Variants in DOCK5 observed in about 807,000 individuals in gnomAD.
DOCK5 encodes the protein dedicator of cytokinesis 5.
In DOCK5, 142 loss-of-function variants were observed where a neutral mutation model predicts 251.8. The ratio of observed to expected loss-of-function variants is 0.56; its 90% CI spans 0.49 to 0.65. The LOEUF (loss-of-function observed/expected upper bound fraction) is 0.65, where lower values mean the gene tolerates loss of function less well. Ranked by LOEUF, DOCK5 falls within the 30% of genes least tolerant of loss-of-function variation. The probability of loss-of-function intolerance (pLI) is 0.00; values close to 1 mark genes in which losing one functional copy is unlikely to be tolerated. For synonymous variants in DOCK5, 842 were observed against 835.5 expected, an observed-to-expected ratio of 1.01 and a Z score of -0.13; for missense variants, 2,111 against 2,312.3, an observed-to-expected ratio of 0.91 and a Z score of 1.79.
At chr8:25,253,026 G>A (rs1803313971) in intron 2 of DOCK5, among the ~76,000 whole-genome samples, 2 of 152,172 alleles carry the variant, frequency 1.3e-5, no homozygotes, top group African/African-American at 2.4e-5. Context: ...GTTTTGCCAT[G>A]TTGGCTAGGC....
intron 1 of DOCK5, among the ~76,000 whole-genome samples, chr8:25,193,878 A>G (rs1233428139): frequency 1.3e-5 from 2 of 152,228 alleles, no homozygotes; most frequent in African/African-American, 4.8e-5. Flanking sequence ...GCTCACCCTT[A>G]GCTAGGAACT....
intron 6 of DOCK5, among the ~76,000 whole-genome samples, chr8:25,293,665 T>C (rs2709631): frequency 0.91 from 138,511 of 152,158 alleles, 63,561 homozygotes; most frequent in Non-Finnish European, 0.97. Flanking sequence ...AGACCATACC[T>C]ACAGTGGCTG....
chr8:25,312,305 T>A (rs967141102), intron 13 of DOCK5, among the ~76,000 whole-genome samples: 7 of 152,256 alleles, frequency 4.6e-5, no homozygotes, highest in Non-Finnish European at 7.3e-5. Flanking sequence ...GAGAAGTTTA[T>A]TCTTTGATCA....
chr8:25,388,796 T>C (rs947637312), intron 40 of DOCK5: 2 of 281,960 alleles, frequency 7.1e-6, no homozygotes, highest in Non-Finnish European at 1.3e-5. Flanking sequence ...ACAAGTTCCG[T>C]ATTTCCTTGC....
chr8:25,299,986 AG>A (rs1259983036), intron 8 of DOCK5, among the ~76,000 whole-genome samples: 21 of 152,246 alleles, frequency 1.4e-4, no homozygotes, highest in African/African-American at 5.1e-4. Context: ...CTTGTCGTAC[AG>A]GCCCGCATCC....
intron 16 of DOCK5, among the ~76,000 whole-genome samples, 153 bp downstream of exon 16, chr8:25,321,205 A>G (rs566799436): frequency 7.2e-5 from 11 of 152,346 alleles, no homozygotes; most frequent in Non-Finnish European, 1.5e-5. Context: ...AATCAGCATA[A>G]TGAATTTTGC....
intron 5 of DOCK5, among the ~76,000 whole-genome samples, chr8:25,281,803 C>G (rs911518209): frequency 6.7e-6 from 1 of 148,980 alleles, no homozygotes; most frequent in South Asian, 2.1e-4. Context: ...CACTTGAACC[C>G]GAGAGGCGGA....
intron 39 of DOCK5, 58 bp downstream of exon 39, chr8:25,380,452 T>A: frequency 2.1e-6 from 3 of 1,400,020 alleles, no homozygotes; most frequent in Non-Finnish European, 3.0e-6. Flanking sequence ...TTAGCACTCA[T>A]GAAAATGTTT....
intron 1 of DOCK5, among the ~76,000 whole-genome samples, chr8:25,205,448 G>A (rs1334288294): frequency 6.6e-6 from 1 of 152,224 alleles, no homozygotes; most frequent in Non-Finnish European, 1.5e-5. Flanking sequence ...GCCACATGGT[G>A]TGTGGTATTT....
chr8:25,242,771 G>T (rs981228684), intron 1 of DOCK5, among the ~76,000 whole-genome samples: 1 of 152,208 alleles, frequency 6.6e-6, no homozygotes, highest in Non-Finnish European at 1.5e-5. Flanking sequence ...ATTAGGAAGT[G>T]CTGGGGTAAC....
chr8:25,203,487 A>C (rs1401992213), intron 1 of DOCK5, among the ~76,000 whole-genome samples: 1 of 152,200 alleles, frequency 6.6e-6, no homozygotes, highest in East Asian at 1.9e-4. Context: ...GAGCCTTGGA[A>C]ATTTTGAATC....
At chr8:25,244,210 G>A (rs1243662955) in intron 2 of DOCK5, among the ~76,000 whole-genome samples, 1 of 152,218 alleles carries the variant, frequency 6.6e-6, no homozygotes, top group Non-Finnish European at 1.5e-5. Context: ...ATTAGGTCAT[G>A]ACTGCAGCAG....
chr8:25,225,072 C>A (rs977437430), intron 1 of DOCK5, among the ~76,000 whole-genome samples: 1 of 152,090 alleles, frequency 6.6e-6, no homozygotes, highest in African/African-American at 2.4e-5. Flanking sequence ...TGGCTGTTAT[C>A]AAAAACAAAA....
At chr8:25,390,846 G>A (rs192759643) in intron 42 of DOCK5, among the ~76,000 whole-genome samples, 16 of 151,030 alleles carry the variant, frequency 1.1e-4, no homozygotes, top group East Asian at 1.9e-4. Context: ...ATCTTGCTCC[G>A]TCACCCAGGC....
At chr8:25,270,273 C>T (rs1289561571) in intron 3 of DOCK5, among the ~76,000 whole-genome samples, 5 of 152,020 alleles carry the variant, frequency 3.3e-5, no homozygotes, top group South Asian at 4.2e-4. Context: ...TTCTCTGGGC[C>T]GTCAAATAGG....
chr8:25,223,954 A>G (rs770444996), intron 1 of DOCK5, among the ~76,000 whole-genome samples: 3 of 152,096 alleles, frequency 2.0e-5, no homozygotes, highest in East Asian at 1.9e-4. Flanking sequence ...ATCACCTCCA[A>G]TTTCTCTGTT....
At chr8:25,343,239 C>T (rs1487314776) in intron 25 of DOCK5, among the ~76,000 whole-genome samples, 1 of 151,744 alleles carries the variant, frequency 6.6e-6, no homozygotes, top group African/African-American at 2.4e-5. Flanking sequence ...AAACTCCTGA[C>T]CTCAAGTGAT....
rs369409808 is a variant in DOCK5 at position 25,256,810 on chromosome 8, T to C, written c.128-12035T>C. On this transcript the variant is annotated intron_variant, in intron 2 of 51. Transcript: ENST00000276440. ...CCCCATTTGGTCTCTGCCAAGGCCCTGGTTACTCAGTGCCATGTTTCTCGA... is the reference window on the plus strand; with the variant it reads ...CCCCATTTGGTCTCTGCCAAGGCCCCGGTTACTCAGTGCCATGTTTCTCGA... 2.0e-5 allele frequency among the ~76,000 whole-genome samples: 3 copies of C among 152,180 alleles called. No homozygotes were observed. In the South Asian group the frequency reaches 6.2e-4, roughly 32 times the overall value.
chr8:25,217,469 C>T (rs529878346), intron 1 of DOCK5, among the ~76,000 whole-genome samples: 8 of 152,208 alleles, frequency 5.3e-5, no homozygotes, highest in Admixed American at 3.9e-4. Flanking sequence ...TGACCAGTAG[C>T]ATTCACTTGT....
Sources: allele counts gnomAD v4.1 joint callset (sites outside exome capture counted in the v4.1 genomes callset), GRCh38; gene constraint gnomAD v4.1.1; transcripts MANE v1.5; gene names NCBI Gene and HGNC (gene_info 2026-07-23, HGNC 2026-07-21).